The following SEMA3A variants were observed in gnomAD, a reference collection of about 807,000 sequenced individuals.
The protein encoded by SEMA3A is semaphorin-3A.
A neutral mutation model predicts 97.9 loss-of-function variants in SEMA3A; 29 were observed. That is an observed-to-expected ratio of 0.30 (90% CI 0.22 to 0.40). The LOEUF (loss-of-function observed/expected upper bound fraction) is 0.40, where lower values mean the gene tolerates loss of function less well. Among genes scored for constraint, SEMA3A ranks in the 10% least tolerant of loss-of-function variants. The probability of loss-of-function intolerance (pLI) is 1.00; values close to 1 mark genes in which losing one functional copy is unlikely to be tolerated. For missense variants in SEMA3A, 763 were observed against 951.3 expected (o/e 0.80, Z 2.60); for synonymous variants, 321 against 323.7 (o/e 0.99, Z 0.09).
At chr7:84,403,625 C>T (rs535407317) in intron 1 of SEMA3A, among the ~76,000 whole-genome samples, 1 of 152,312 alleles carries the variant, frequency 6.6e-6, no homozygotes, top group East Asian at 1.9e-4. Flanking sequence ...CCCCGAGCAG[C>T]CTAACTGGGA....
chr7:84,099,651 CTTTT>C (rs201504129), intron 4 of SEMA3A, among the ~76,000 whole-genome samples: 1 of 151,996 alleles, frequency 6.6e-6, no homozygotes, highest in South Asian at 2.1e-4. Context: ...ATCATAAACG[CTTTT>C]TTTAATGAGG....
intron 4 of SEMA3A, among the ~76,000 whole-genome samples, chr7:84,069,501 A>G (rs566659080): frequency 1.3e-5 from 2 of 152,262 alleles, no homozygotes; most frequent in East Asian, 3.9e-4. Context: ...TATTTTTATC[A>G]GGCAAAATTA....
rs1225206693 is a variant in SEMA3A at position 84,232,922 on chromosome 7, C to T, written c.-82-38254G>A. 3.9e-5 allele frequency among the ~76,000 whole-genome samples: 6 copies of T among 152,058 alleles called. No individual in the cohort carries two copies. The East Asian group carries it at 1.2e-3, about 29-fold the overall frequency. On this transcript the variant is annotated intron_variant, in intron 3 of 3. Coordinates refer to the SEMA3A transcript ENST00000424555. ...AGCTCTTCCCCTAGTGGATAGCTTA[C>T]ATAGTGTTTGATGTCAACAAGTCCC...
intron 13 of SEMA3A, among the ~76,000 whole-genome samples, chr7:83,985,220 TA>T (rs1789577275): frequency 6.6e-6 from 1 of 152,114 alleles, no homozygotes; most frequent in Non-Finnish European, 1.5e-5. Flanking sequence ...AAATAATGTT[TA>T]TAGAACACAG....
intron 1 of SEMA3A, among the ~76,000 whole-genome samples, chr7:84,145,536 T>A (rs191345154): frequency 6.6e-6 from 1 of 152,220 alleles, no homozygotes; most frequent in African/African-American, 2.4e-5. Flanking sequence ...TTATAAATTA[T>A]GTTCAAATGA....
intron 3 of SEMA3A, among the ~76,000 whole-genome samples, chr7:84,289,837 C>T (rs898775342): frequency 1.3e-5 from 2 of 152,024 alleles, no homozygotes; most frequent in Admixed American, 1.3e-4. Context: ...CATAGTACTA[C>T]TCACAATAAC....
chr7:84,438,697 G>C (rs2116335137), intron 1 of SEMA3A, among the ~76,000 whole-genome samples: 1 of 152,094 alleles, frequency 6.6e-6, no homozygotes, highest in South Asian at 2.1e-4. Flanking sequence ...AAAGACTTCT[G>C]TATGGTAAGT....
intron 1 of SEMA3A, chr7:84,488,956 G>C (rs1269657343): frequency 6.6e-6 from 1 of 151,878 alleles, no homozygotes; most frequent in African/African-American, 2.4e-5. Context: ...CCGGTGGTTG[G>C]GGTAGCATCT....
rs57701633 is a variant in SEMA3A at position 84,427,380 on chromosome 7, A to C, written c.-245-55480T>G. Among the ~76,000 whole-genome samples the C allele has an allele frequency of 6.9e-4, 105 of 152,138 alleles. 1 individual carries two copies. The highest frequency in any genetic ancestry group is 2.3e-3 in the African/African-American group (97 of 41,526). Reference sequence around the variant, plus strand: ...ATTGTAGTGAAGATTCGACATGAAAAACATTTTGATGTAATCCCAGCACTT... The same window carrying C: ...ATTGTAGTGAAGATTCGACATGAAACACATTTTGATGTAATCCCAGCACTT... On this transcript the variant is annotated intron_variant, in intron 1 of 3. Transcript: ENST00000424555.
intron 4 of SEMA3A, among the ~76,000 whole-genome samples, chr7:84,061,963 C>T (rs1290052176): frequency 6.6e-6 from 1 of 152,184 alleles, no homozygotes. Flanking sequence ...ATGAGCCAGG[C>T]ACCAGGCTTA....
At chr7:84,287,748 A>G (rs1254541842) in intron 3 of SEMA3A, among the ~76,000 whole-genome samples, 1 of 152,136 alleles carries the variant, frequency 6.6e-6, no homozygotes, top group Non-Finnish European at 1.5e-5. Context: ...CAGCCACGCC[A>G]AGCACTCAAA....
At chr7:84,165,833 G>A (rs138774545) in intron 1 of SEMA3A, among the ~76,000 whole-genome samples, 3 of 152,268 alleles carry the variant, frequency 2.0e-5, no homozygotes, top group East Asian at 3.9e-4. Flanking sequence ...AATTACAGGA[G>A]TGAGCCACCC....
chr7:84,063,859 A>C (rs1375756496), intron 4 of SEMA3A, among the ~76,000 whole-genome samples: 1 of 150,152 alleles, frequency 6.7e-6, no homozygotes, highest in Non-Finnish European at 1.5e-5. Context: ...GATATTATCC[A>C]GGAGAACTTC....
intron 4 of SEMA3A, among the ~76,000 whole-genome samples, chr7:84,083,229 C>A (rs972355612): frequency 6.6e-6 from 1 of 151,824 alleles, no homozygotes; most frequent in South Asian, 2.1e-4. Flanking sequence ...TACACACACA[C>A]GTATTTGTAC....
chr7:84,337,988 C>A (rs1237328240), intron 2 of SEMA3A, among the ~76,000 whole-genome samples: 1 of 151,942 alleles, frequency 6.6e-6, no homozygotes, highest in African/African-American at 2.4e-5. Flanking sequence ...AAAGGTCTGA[C>A]AAAAGCTTTA....
intron 3 of SEMA3A, among the ~76,000 whole-genome samples, chr7:84,293,795 C>G (rs545773185): frequency 6.6e-6 from 1 of 152,008 alleles, no homozygotes; most frequent in Non-Finnish European, 1.5e-5. Context: ...TAAAAACAAT[C>G]CGTATATGAA....
intron 1 of SEMA3A, among the ~76,000 whole-genome samples, chr7:84,449,550 A>G (rs1350035200): frequency 6.6e-6 from 1 of 152,188 alleles, no homozygotes; most frequent in Non-Finnish European, 1.5e-5. Context: ...TTGTTATTCA[A>G]TTAAAGTAAT....
intron 1 of SEMA3A, among the ~76,000 whole-genome samples, chr7:84,421,799 GTT>G (rs769841038): frequency 9.2e-5 from 14 of 152,112 alleles, no homozygotes; most frequent in Non-Finnish European, 1.5e-4. Context: ...TGTTGGTTCT[GTT>G]TATGTGATGG....
At chr7:84,069,516 G>A (rs898641151) in intron 4 of SEMA3A, among the ~76,000 whole-genome samples, 1 of 151,966 alleles carries the variant, frequency 6.6e-6, no homozygotes, top group Non-Finnish European at 1.5e-5. Context: ...AAATTATAAG[G>A]CATGTTTGAA....
Sources: allele counts gnomAD v4.1 joint callset (sites outside exome capture counted in the v4.1 genomes callset), GRCh38; gene constraint gnomAD v4.1.1; transcripts MANE v1.5; gene names NCBI Gene and HGNC (gene_info 2026-07-23, HGNC 2026-07-21).